Variants in SH3RF2 observed in about 807,000 individuals in gnomAD.
SH3RF2 encodes E3 ubiquitin-protein ligase SH3RF2.
A neutral mutation model predicts 59.0 loss-of-function variants in SH3RF2; 43 were observed. That is an observed-to-expected ratio of 0.73 (90% CI 0.57 to 0.94). The LOEUF (loss-of-function observed/expected upper bound fraction) is 0.94, where lower values mean the gene tolerates loss of function less well. Among genes scored for constraint, SH3RF2 ranks in the 40% least tolerant of loss-of-function variants. The probability of loss-of-function intolerance (pLI) is 0.00; values close to 1 mark genes in which losing one functional copy is unlikely to be tolerated. For missense variants in SH3RF2, 930 were observed against 940.1 expected (o/e 0.99, Z 0.14); for synonymous variants, 391 against 391.5 (o/e 1.00, Z 0.01).
At position 146,004,181 on chromosome 5, in the gene SH3RF2, T is replaced by C. The variant is rs773123694; in HGVS notation, c.744+28T>C. Reference sequence around the variant, plus strand: ...ACGTGAGTATCAAGTCTACATCTGATTTACGCATACACAGAAATATTCATG... The same window carrying C: ...ACGTGAGTATCAAGTCTACATCTGACTTACGCATACACAGAAATATTCATG... On this transcript the variant is annotated intron_variant, in intron 4 of 9. Coordinates refer to ENST00000359120, the MANE Select transcript of SH3RF2 (RefSeq NM_152550.4). 6 of 1,566,290 alleles carry C rather than the reference T, an allele frequency of 3.8e-6. No individual in the cohort carries two copies. In the East Asian group the frequency reaches 1.4e-4, roughly 35 times the overall value.
At chr5:145,992,646 G>C (rs1759989557) in intron 2 of SH3RF2, among the ~76,000 whole-genome samples, 1 of 150,166 alleles carries the variant, frequency 6.7e-6, no homozygotes. Flanking sequence ...ACAGCAGGGA[G>C]AGAGAGCTTG....
chr5:146,028,766 G>A (rs891333046), intron 5 of SH3RF2, among the ~76,000 whole-genome samples: 18 of 152,188 alleles, frequency 1.2e-4, no homozygotes, highest in African/African-American at 4.3e-4. Context: ...TGAAAAAGAT[G>A]CCCTTTCTGA....
At chr5:145,959,305 G>A (rs887550580) in intron 2 of SH3RF2, among the ~76,000 whole-genome samples, 1 of 152,082 alleles carries the variant, frequency 6.6e-6, no homozygotes, top group African/African-American at 2.4e-5. Context: ...TGAGACTCCT[G>A]ATATGTAATA....
At chr5:146,044,732 G>T (rs1463420128) in intron 5 of SH3RF2, among the ~76,000 whole-genome samples, 1 of 151,878 alleles carries the variant, frequency 6.6e-6, no homozygotes, top group Non-Finnish European at 1.5e-5. Context: ...CATTCTCAGG[G>T]TCTTCCACTA....
At chr5:146,009,881 T>A (rs929556806) in intron 4 of SH3RF2, among the ~76,000 whole-genome samples, 28 of 152,326 alleles carry the variant, frequency 1.8e-4, no homozygotes, top group African/African-American at 6.3e-4. Context: ...CTCAGCTATT[T>A]TTTTGTTTTT....
At chr5:145,972,800 G>A (rs1055708701) in intron 2 of SH3RF2, among the ~76,000 whole-genome samples, 1 of 152,200 alleles carries the variant, frequency 6.6e-6, no homozygotes, top group Non-Finnish European at 1.5e-5. Flanking sequence ...AAAGGACCTT[G>A]AGGGTAAATA....
intron 2 of SH3RF2, among the ~76,000 whole-genome samples, chr5:145,956,969 T>C (rs1758438833): frequency 6.6e-6 from 1 of 152,224 alleles, no homozygotes; most frequent in Admixed American, 6.5e-5. Context: ...TCATGTCTCC[T>C]CTTCATAACT....
chr5:145,962,577 C>A (rs993622026), intron 2 of SH3RF2, among the ~76,000 whole-genome samples: 9 of 152,214 alleles, frequency 5.9e-5, no homozygotes, highest in African/African-American at 2.2e-4. Context: ...TTCTGTCCCC[C>A]TCTTCAGTTC....
intron 5 of SH3RF2, among the ~76,000 whole-genome samples, chr5:146,047,446 T>C (rs1228007612): frequency 6.6e-6 from 1 of 152,026 alleles, no homozygotes; most frequent in African/African-American, 2.4e-5. Context: ...TAGAGGGAGA[T>C]GGGTGGGGTG....
rs147432475 is a variant in SH3RF2 at position 146,013,039 on chromosome 5, T to C, written c.745-708T>C. ...CTAAGAGATATAGAACAAGGAAGAA[T>C]GGTGATTACATGAACATATTTAAAG... On this transcript the variant is annotated intron_variant, in intron 4 of 9. Coordinates refer to ENST00000359120, the MANE Select transcript of SH3RF2 (RefSeq NM_152550.4). 3.1e-3 allele frequency among the ~76,000 whole-genome samples: 468 copies of C among 152,228 alleles called. 5 individuals are homozygous for C. Among genetic ancestry groups the C allele is most frequent in the African/African-American group, 0.011 (452 of 41,542 alleles).
At chr5:146,047,252 T>C (rs1762336831) in intron 5 of SH3RF2, among the ~76,000 whole-genome samples, 1 of 152,100 alleles carries the variant, frequency 6.6e-6, no homozygotes, top group South Asian at 2.1e-4. Flanking sequence ...CTTTGTTTCA[T>C]ACTAATTGTG....
Position 146,062,901 on chromosome 5 carries a change from A to G in SH3RF2, c.*200A>G. On this transcript the variant is annotated 3_prime_UTR_variant, in exon 10 of 10. Coordinates refer to ENST00000359120, the MANE Select transcript of SH3RF2 (RefSeq NM_152550.4). ...ATAGATGGCGTGGCCTTCCAAACAT[A>G]CAAACATAATGATTTGATGCCACAA... 1 of 670,632 alleles carries G rather than the reference A, an allele frequency of 1.5e-6. No individual in the cohort carries two copies. The allele number at this position is 670,632 out of a possible 1,614,324, so 41.5% of individuals were successfully genotyped here.
rs563873284 is a variant in SH3RF2, at chr5:146,004,504, A to G, written c.744+351A>G. Among the ~76,000 whole-genome samples, 4 of 152,326 alleles carry G rather than the reference A, an allele frequency of 2.6e-5. No homozygotes were observed. In the East Asian group the frequency reaches 5.8e-4, roughly 22 times the overall value. Reference sequence around the variant, plus strand: ...AAGTATGCAAAGATAGATGTACAAAATATTCAAAAATGTTCACCATAATGT... The same window carrying G: ...AAGTATGCAAAGATAGATGTACAAAGTATTCAAAAATGTTCACCATAATGT... On this transcript the variant is annotated intron_variant, in intron 4 of 9. Transcript: ENST00000359120.
intron 4 of SH3RF2, among the ~76,000 whole-genome samples, chr5:146,007,081 C>T (rs767747398): frequency 7.9e-5 from 12 of 152,196 alleles, no homozygotes; most frequent in Non-Finnish European, 1.3e-4. Context: ...ACACGTGAAA[C>T]ACTGGGTATC....
chr5:146,032,861 G>A (rs2150005078), intron 5 of SH3RF2, among the ~76,000 whole-genome samples: 1 of 152,308 alleles, frequency 6.6e-6, no homozygotes, highest in East Asian at 1.9e-4. Flanking sequence ...AGCTAAAGAA[G>A]CCCTTCTCTG....
At chr5:146,057,958 CTCTCTCTCTCTA>C (rs1346581513) in intron 8 of SH3RF2, among the ~76,000 whole-genome samples, 13 of 140,478 alleles carry the variant, frequency 9.3e-5, no homozygotes, top group Admixed American at 4.8e-4. Context: ...CTCTCTCTCT[CTCTCTCTCTCTA>C]TCTATCTATC....
intron 5 of SH3RF2, among the ~76,000 whole-genome samples, chr5:146,032,922 G>A (rs563013488): frequency 2.4e-4 from 36 of 152,252 alleles, no homozygotes; most frequent in Middle Eastern, 3.4e-3. Context: ...CCAGACCTTG[G>A]AGCCAGCACC....
chr5:146,005,668 A>G (rs1760613747), intron 4 of SH3RF2, among the ~76,000 whole-genome samples: 1 of 152,100 alleles, frequency 6.6e-6, no homozygotes, highest in Non-Finnish European at 1.5e-5. Context: ...CCCCTTTCAG[A>G]TACACCACCC....
rs1165468221 is a variant in SH3RF2 at position 146,062,843 on chromosome 5, G to T, written c.*142G>T. On this transcript the variant is annotated 3_prime_UTR_variant, in exon 10 of 10. Coordinates refer to ENST00000359120, the MANE Select transcript of SH3RF2 (RefSeq NM_152550.4). ...CTATTTCACCTCCAGGAAAGCAAAA[G>T]TGGGAGCAGAAATTCCTGCCCTGGG... 3 of 1,204,720 alleles carry T rather than the reference G, an allele frequency of 2.5e-6. No homozygotes were observed. In the African/African-American group the frequency reaches 4.6e-5, roughly 18 times the overall value. The allele number at this position is 1,204,720 out of a possible 1,614,324, so 74.6% of individuals were successfully genotyped here.
Sources: gnomAD v4.1 joint callset for allele counts (sites outside exome capture counted in the v4.1 genomes callset) on GRCh38, gnomAD v4.1.1 for gene constraint, MANE v1.5 for transcripts, NCBI Gene and HGNC (gene_info 2026-07-23, HGNC 2026-07-21) for gene names.